NT5DC1: variants seen among roughly 807,000 people sequenced by gnomAD.
The protein encoded by NT5DC1 is 5'-nucleotidase domain-containing protein 1.
Under a neutral mutation model 59.4 loss-of-function variants are expected in NT5DC1, and 42 were observed. That is an observed-to-expected ratio of 0.71 (90% CI 0.55 to 0.92). NT5DC1 has a LOEUF of 0.92. NT5DC1 is among the 40% of genes least tolerant of loss of function. The pLI, the probability that NT5DC1 is intolerant of heterozygous loss-of-function variation, is 0.00. For missense variants in NT5DC1, 501 were observed against 537.1 expected, an observed-to-expected ratio of 0.93 and a Z score of 0.66; for synonymous variants, 172 against 188.1, an observed-to-expected ratio of 0.91 and a Z score of 0.70.
chr6:116,121,036 A>G lies in NT5DC1; in HGVS notation c.529+3091A>G, dbSNP rs746574566. On this transcript the variant is annotated intron_variant, in intron 6 of 11. Transcript: ENST00000319550. ...GCCCAGCTGGCCCTGTCTCACCTTT[A>G]GGGCCTGGGAGACCATGGCTACCCG... The G allele has an allele frequency of 3.1e-6, 5 of 1,613,816 alleles. No individual in the cohort carries two copies. The South Asian group carries it at 4.4e-5, about 14-fold the overall frequency.
chr6:116,152,800 A>C (rs1407854540), intron 6 of NT5DC1, among the ~76,000 whole-genome samples: 12 of 152,008 alleles, frequency 7.9e-5, no homozygotes, highest in Non-Finnish European at 1.8e-4. Context: ...ATTTTTCTTG[A>C]TAAGGTCAAC....
At chr6:116,231,093 C>A (rs1051669073) in intron 8 of NT5DC1, among the ~76,000 whole-genome samples, 1 of 110,010 alleles carries the variant, frequency 9.1e-6, no homozygotes, top group East Asian at 3.0e-4. Flanking sequence ...GCAATAAGAG[C>A]GAAACTCCGT....
chr6:116,157,917 G>C (rs1780237490), intron 6 of NT5DC1, among the ~76,000 whole-genome samples: 1 of 152,138 alleles, frequency 6.6e-6, no homozygotes, highest in Non-Finnish European at 1.5e-5. Flanking sequence ...GAAATAAAAT[G>C]TCTCAAACGT....
chr6:116,116,080 C>T (rs899728443), intron 5 of NT5DC1, among the ~76,000 whole-genome samples: 1 of 151,834 alleles, frequency 6.6e-6, no homozygotes, highest in Non-Finnish European at 1.5e-5. Context: ...TAAATAGTTT[C>T]ATTAGCAAAA....
intron 6 of NT5DC1, among the ~76,000 whole-genome samples, chr6:116,166,541 G>A (rs1430072797): frequency 6.6e-6 from 1 of 152,166 alleles, no homozygotes; most frequent in East Asian, 1.9e-4. Flanking sequence ...TGAGTGTTGG[G>A]CCATCAGAGA....
intron 6 of NT5DC1, among the ~76,000 whole-genome samples, chr6:116,130,889 T>C (rs193064590): frequency 1.7e-3 from 263 of 152,236 alleles, no homozygotes; most frequent in Non-Finnish European, 3.0e-3. Flanking sequence ...AAAAAAAATA[T>C]AAGCCGTTTG....
chr6:116,193,924 TGTG>T (rs1460453637), intron 6 of NT5DC1, among the ~76,000 whole-genome samples: 1 of 151,860 alleles, frequency 6.6e-6, no homozygotes, highest in Non-Finnish European at 1.5e-5. Context: ...AGTAGTCAGA[TGTG>T]GTGGCATGTA....
Position 116,120,242 on chromosome 6 carries a change from T to C in NT5DC1, c.529+2297T>C, listed in dbSNP as rs1490639989. ...CAGGTAGCCTTTGGTGTATTCATCA[T>C]AGGTGTACATTACAGGGGTGCCATT... On this transcript the variant is annotated intron_variant, in intron 6 of 11. Transcript: ENST00000319550. 4 of 1,614,232 alleles carry C rather than the reference T, an allele frequency of 2.5e-6. No homozygotes were observed. Among genetic ancestry groups the C allele is most frequent in the Non-Finnish European group, 3.4e-6 (4 of 1,180,030 alleles).
At chr6:116,154,061 G>T (rs1431535064) in intron 6 of NT5DC1, among the ~76,000 whole-genome samples, 1 of 148,768 alleles carries the variant, frequency 6.7e-6, no homozygotes, top group African/African-American at 2.5e-5. Context: ...ACAGAGTCTG[G>T]TGATGGGCTA....
intron 6 of NT5DC1, among the ~76,000 whole-genome samples, chr6:116,217,120 A>G (rs1429950258): frequency 6.6e-6 from 1 of 152,168 alleles, no homozygotes; most frequent in Non-Finnish European, 1.5e-5. Context: ...AGAAATAGTG[A>G]TGTGGCACAA....
intron 6 of NT5DC1, among the ~76,000 whole-genome samples, chr6:116,142,546 A>G (rs1166279645): frequency 1.3e-5 from 2 of 152,146 alleles, no homozygotes; most frequent in Non-Finnish European, 2.9e-5. Context: ...AAATAAACAT[A>G]TACAGGAAAA....
intron 6 of NT5DC1, among the ~76,000 whole-genome samples, chr6:116,118,310 G>A (rs1271739643): frequency 6.6e-6 from 1 of 152,150 alleles, no homozygotes; most frequent in Admixed American, 6.5e-5. Context: ...CAAAATGTCT[G>A]CCGGCAGAAA....
At chr6:116,149,759 G>C (rs1190796150) in intron 6 of NT5DC1, among the ~76,000 whole-genome samples, 1 of 152,176 alleles carries the variant, frequency 6.6e-6, no homozygotes, top group East Asian at 1.9e-4. Context: ...CATAAAATAA[G>C]TGGTGAAAGA....
chr6:116,119,364 G>A (rs1779036684), intron 6 of NT5DC1: 1 of 152,362 alleles, frequency 6.6e-6, no homozygotes, highest in South Asian at 2.1e-4. Context: ...GTTATGCTGG[G>A]TATATAAAAA....
intron 11 of NT5DC1, among the ~76,000 whole-genome samples, chr6:116,241,539 AAGAGAATT>A (rs1378491430): frequency 6.6e-6 from 1 of 152,234 alleles, no homozygotes; most frequent in African/African-American, 2.4e-5. Flanking sequence ...AATAACTCTC[AAGAGAATT>A]GTGATGATAT....
In NT5DC1 at chr6:116,120,471, T is replaced by C. The variant is rs150747104; in HGVS notation, c.529+2526T>C. 1.5e-4 allele frequency: 240 copies of C among 1,614,260 alleles called. No individual in the cohort carries two copies. Among genetic ancestry groups the C allele is most frequent in the Non-Finnish European group, 1.6e-4 (187 of 1,180,038 alleles). ...ATAACAGTAAAAGCAGACACAGGCATTCCTGTTACCCCCTGGTTGGCACTA... is the reference window on the plus strand; with the variant it reads ...ATAACAGTAAAAGCAGACACAGGCACTCCTGTTACCCCCTGGTTGGCACTA... On this transcript the variant is annotated intron_variant, in intron 6 of 11. Coordinates refer to ENST00000319550, the MANE Select transcript of NT5DC1 (RefSeq NM_152729.3).
chr6:116,119,888 A>G, intron 6 of NT5DC1: 1 of 615,638 alleles, frequency 1.6e-6, no homozygotes, highest in Non-Finnish European at 2.9e-6. Flanking sequence ...GAGAGGCTTC[A>G]CATACGTTTT....
intron 6 of NT5DC1, among the ~76,000 whole-genome samples, chr6:116,217,821 G>A (rs1440238579): frequency 1.3e-5 from 2 of 152,078 alleles, no homozygotes; most frequent in East Asian, 1.9e-4. Flanking sequence ...TAATTTAATA[G>A]ACAATTATAA....
At chr6:116,118,504 C>T (rs747678053) in intron 6 of NT5DC1, among the ~76,000 whole-genome samples, 21 of 152,094 alleles carry the variant, frequency 1.4e-4, no homozygotes, top group Non-Finnish European at 2.5e-4. Context: ...GCCACATTGT[C>T]CTGATTAAAC....
Sources: allele counts gnomAD v4.1 joint callset (sites outside exome capture counted in the v4.1 genomes callset), GRCh38; gene constraint gnomAD v4.1.1; transcripts MANE v1.5; gene names NCBI Gene and HGNC (gene_info 2026-07-23, HGNC 2026-07-21).